The following CDON variants were observed in gnomAD, a reference collection of about 807,000 sequenced individuals.
CDON encodes the protein cell adhesion molecule-related/down-regulated by oncogenes.
A neutral mutation model predicts 120.9 loss-of-function variants in CDON; 73 were observed. The observed-to-expected ratio is 0.60, with a 90% CI of 0.50 to 0.73. The LOEUF (loss-of-function observed/expected upper bound fraction) is 0.73, where lower values mean the gene tolerates loss of function less well. Ranked by LOEUF, CDON falls within the 30% of genes least tolerant of loss-of-function variation. CDON has a pLI of 0.00. For missense variants in CDON, 1,470 were observed against 1,587.3 expected, an observed-to-expected ratio of 0.93 and a Z score of 1.26; for synonymous variants, 566 against 573.5, an observed-to-expected ratio of 0.99 and a Z score of 0.19.
At chr11:126,019,510 CAT>C in intron 4 of CDON, 107 bp downstream of exon 4, 1 of 1,197,758 alleles carries the variant, frequency 8.3e-7, no homozygotes, top group Non-Finnish European at 1.2e-6. Flanking sequence ...CCTCTCCACT[CAT>C]GCCTTCTTGT....
chr11:126,008,481 CAT>C (rs377403369), intron 8 of CDON, among the ~76,000 whole-genome samples: 10 of 152,282 alleles, frequency 6.6e-5, no homozygotes, highest in African/African-American at 2.4e-4. Context: ...TTTATCGAGA[CAT>C]AAAATCCTGG....
At chr11:125,970,231 G>T (rs1945938226) in intron 18 of CDON, among the ~76,000 whole-genome samples, 2 of 144,318 alleles carry the variant, frequency 1.4e-5, no homozygotes, top group Admixed American at 7.3e-5. Flanking sequence ...CTGGAGTGCA[G>T]TGGCGCGATC....
rs1946822269 is a variant in CDON at position 125,997,429 on chromosome 11, A to G, written c.2159-19T>C. On this transcript the variant is annotated intron_variant, in intron 11 of 19. Coordinates refer to ENST00000531738, the MANE Select transcript of CDON (RefSeq NM_001378964.1). ...TCTGGAACTAAACACGGAAACGTTC[A>G]TTTCAATAACCCACCATGTCAGAGA... 1 of 1,555,270 alleles carries G rather than the reference A, an allele frequency of 6.4e-7. No individual in the cohort carries two copies. The highest frequency in any genetic ancestry group is 8.8e-7 in the Non-Finnish European group (1 of 1,132,084).
At chr11:125,964,395 C>T (rs1945731984) in intron 18 of CDON, among the ~76,000 whole-genome samples, 1 of 152,164 alleles carries the variant, frequency 6.6e-6, no homozygotes, top group Non-Finnish European at 1.5e-5. Context: ...AGGGCTTTTA[C>T]AAAGACTGCA....
In CDON at chr11:125,961,723, C is replaced by CCTCTGCTGAA; in HGVS notation, c.3622_3631dup (p.Gly1211ValfsTer33). On this transcript the variant is annotated frameshift_variant and splice_region_variant. Coordinates refer to ENST00000531738, the MANE Select transcript of CDON (RefSeq NM_001378964.1). LOFTEE classifies it high-confidence loss of function. ...CCTAAGGTTGATCATGCCTTCCTGA[C>CCTCTGCTGAA]CTCTGCTGAACTCTGCTGGATCTTC... The CCTCTGCTGAA allele has an allele frequency of 6.2e-7, 1 of 1,614,184 alleles. No individual in the cohort carries two copies. Among genetic ancestry groups the CCTCTGCTGAA allele is most frequent in the Non-Finnish European group, 8.5e-7 (1 of 1,180,024 alleles).
intron 11 of CDON, among the ~76,000 whole-genome samples, chr11:125,999,977 T>A (rs766311845): frequency 5.9e-5 from 9 of 152,238 alleles, no homozygotes; most frequent in Non-Finnish European, 7.3e-5. Flanking sequence ...TCTTTTGCTG[T>A]TTCATCTGTC....
At chr11:125,975,482 A>G (rs79989050) in intron 18 of CDON, among the ~76,000 whole-genome samples, 62,342 of 151,982 alleles carry the variant, frequency 0.41, 12,983 homozygotes, top group African/African-American at 0.47. Flanking sequence ...AAACCTTCAC[A>G]TTCAGGGTTA....
rs1249018669 is a variant in CDON, at chr11:125,956,960, G to A, written c.*3982C>T. On this transcript the variant is annotated 3_prime_UTR_variant, in exon 20 of 20. Coordinates refer to ENST00000531738, the MANE Select transcript of CDON (RefSeq NM_001378964.1). The stretch of plus-strand genomic sequence containing the variant: ...CAAAAGGGCCACACCCGATGCAAAA[G>A]ACTTTGCTGGCTTTCTGGTCAGACA... 1 of 686,826 alleles carries A rather than the reference G, an allele frequency of 1.5e-6. No individual in the cohort carries two copies. The highest frequency in any genetic ancestry group is 1.8e-6 in the Non-Finnish European group (1 of 557,450). The allele number at this position is 686,826 out of a possible 1,614,324, so 42.5% of individuals were successfully genotyped here.
chr11:126,017,129 G>A lies in CDON; in HGVS notation c.887C>T (p.Ser296Phe). 1 of 1,614,106 alleles carries A rather than the reference G, an allele frequency of 6.2e-7. No homozygotes were observed. Among genetic ancestry groups the A allele is most frequent in the Non-Finnish European group, 8.5e-7 (1 of 1,179,990 alleles). The change falls in exon 6 of 20, where the codon TCT becomes TTT. Residue 296 changes from serine (S) to phenylalanine (F), a missense_variant. By Grantham distance (155) the Ser-to-Phe change is radical. Transcript: ENST00000531738. Reference protein sequence around the residue: ...GNYSCMAGNKSGDVKYVTYMV... With the variant: ...GNYSCMAGNKFGDVKYVTYMV... ...GTAAGTCACATATTTTACATCTCCAGACTTGTTTCCCGCCATGCAGGAATA... is the reference window on the plus strand; with the variant it reads ...GTAAGTCACATATTTTACATCTCCAAACTTGTTTCCCGCCATGCAGGAATA...
chr11:125,964,287 A>G (rs1415514197), intron 18 of CDON, among the ~76,000 whole-genome samples: 2 of 152,222 alleles, frequency 1.3e-5, no homozygotes, highest in Admixed American at 1.3e-4. Context: ...TATCTGAAAG[A>G]ACCCTTTATT....
intron 18 of CDON, among the ~76,000 whole-genome samples, chr11:125,975,098 C>T (rs577172766): frequency 2.4e-4 from 36 of 152,306 alleles, no homozygotes; most frequent in Admixed American, 9.8e-4. Flanking sequence ...TCTCAATAAG[C>T]TTTGCAACAA....
At chr11:126,043,781 T>C (rs1948329831) in intron 1 of CDON, among the ~76,000 whole-genome samples, 1 of 152,202 alleles carries the variant, frequency 6.6e-6, no homozygotes, top group Non-Finnish European at 1.5e-5. Flanking sequence ...TCGATGGCCA[T>C]GTGTCATTCT....
At chr11:126,018,910 A>G (rs1947548003) in intron 4 of CDON, among the ~76,000 whole-genome samples, 2 of 152,328 alleles carry the variant, frequency 1.3e-5, no homozygotes, top group South Asian at 4.1e-4. Context: ...AGAAGCAATC[A>G]AGGAAAATTT....
chr11:126,055,856 A>G (rs928906713), intron 1 of CDON, among the ~76,000 whole-genome samples: 1 of 152,200 alleles, frequency 6.6e-6, no homozygotes. Context: ...AATACCCGAC[A>G]TTTACTTGTT....
At chr11:125,980,242 C>G (rs528169663) in intron 17 of CDON, among the ~76,000 whole-genome samples, 1 of 152,288 alleles carries the variant, frequency 6.6e-6, no homozygotes, top group South Asian at 2.1e-4. Context: ...AGTCATTCTA[C>G]TACCATTTCA....
intron 1 of CDON, among the ~76,000 whole-genome samples, chr11:126,060,962 T>A (rs1312565993): frequency 6.6e-6 from 1 of 152,174 alleles, no homozygotes; most frequent in Admixed American, 6.5e-5. Flanking sequence ...GTTTAAGTAC[T>A]TTGCACAGAA....
Position 126,034,815 on chromosome 11 carries a change from T to C in CDON, c.-61-11278A>G, listed in dbSNP as rs1384907756. 6.6e-6 allele frequency among the ~76,000 whole-genome samples: 1 copy of C among 152,196 alleles called. No individual in the cohort carries two copies. Among genetic ancestry groups the C allele is most frequent in the Non-Finnish European group, 1.5e-5 (1 of 68,032 alleles). The stretch of plus-strand genomic sequence containing the variant: ...TCAACACTTCCACAAATCCAGCACT[T>C]GGTAGCTTTTCAAGTTTGTCACTGG... On this transcript the variant is annotated intron_variant, in intron 1 of 19. Coordinates refer to ENST00000531738, the MANE Select transcript of CDON (RefSeq NM_001378964.1). The surrounding 1 kb of genome is among the most constrained non-coding windows in gnomAD (Gnocchi z 4.5).
At position 126,018,400 on chromosome 11, in the gene CDON, T is replaced by G; in HGVS notation, c.570A>C (p.Lys190Asn). The G allele has an allele frequency of 6.2e-7, 1 of 1,613,804 alleles. No homozygotes were observed. The highest frequency in any genetic ancestry group is 1.1e-5 in the South Asian group (1 of 91,076). The part of the protein sequence containing the change: ...NVSLEDKGSY[K>N]CAAYNPVTHQ... ...GTGTGACAGGATTATAAGCTGCACA[T>G]TTGTATGATCCCTTGTCCTCTAAGG... is the stretch of plus-strand genomic sequence containing the variant. Residue 190 changes from lysine (K) to asparagine (N), a missense_variant, in exon 5 of 20, where the codon AAA becomes AAC. Transcript: ENST00000531738.
At chr11:126,030,338 C>A (rs113339546) in intron 1 of CDON, among the ~76,000 whole-genome samples, 4 of 152,294 alleles carry the variant, frequency 2.6e-5, no homozygotes, top group African/African-American at 9.6e-5. Context: ...GATTTGATTA[C>A]TTTGTTTTTG....
Sources: allele counts gnomAD v4.1 joint callset (sites outside exome capture counted in the v4.1 genomes callset), GRCh38; gene constraint gnomAD v4.1.1; non-coding constraint Gnocchi (gnomAD v3.1); transcripts MANE v1.5; gene names NCBI Gene and HGNC (gene_info 2026-07-23, HGNC 2026-07-21).